The following CPD variants were observed in gnomAD, a reference collection of about 807,000 sequenced individuals.
CPD encodes the protein carboxypeptidase D, also known as metallocarboxypeptidase D.
Under a neutral mutation model 138.3 loss-of-function variants are expected in CPD, and 69 were observed. The observed-to-expected ratio is 0.50, with a 90% CI of 0.41 to 0.61. CPD has a LOEUF of 0.61. CPD is among the 20% of genes least tolerant of loss of function. The pLI is 0.00. For missense variants in CPD, 1,432 were observed against 1,733.3 expected, an observed-to-expected ratio of 0.83 and a Z score of 3.09; for synonymous variants, 651 against 642.1, an observed-to-expected ratio of 1.01 and a Z score of -0.21.
intron 13 of CPD, among the ~76,000 whole-genome samples, 161 bp from the exon 14 acceptor site, chr17:30,451,550 G>A (rs1449556334): frequency 1.3e-5 from 2 of 152,050 alleles, no homozygotes; most frequent in East Asian, 1.9e-4. Context: ...TAATATATTT[G>A]AAGCAAAAGG....
In CPD at chr17:30,465,132, C is replaced by T. The variant is rs1913601853; in HGVS notation, c.*318C>T. 2.3e-5 allele frequency: 6 copies of T among 262,246 alleles called. No homozygotes were observed. The highest frequency in any genetic ancestry group is 2.2e-4 in the South Asian group (4 of 18,164). 16.2% of individuals were successfully genotyped at this position (262,246 alleles called of 1,614,324 possible). A position where few individuals can be genotyped will look rare whatever the true frequency, so the allele number is the denominator to read the frequency against. ...CAACTAGAGGATGTTGTATTTTGCA[C>T]ATCAGATGTTTACTAGTGGCTTTAG... On this transcript the variant is annotated 3_prime_UTR_variant, in exon 21 of 21. Transcript: ENST00000225719.
intron 8 of CPD, 107 bp downstream of exon 8, chr17:30,431,988 G>C: frequency 1.4e-6 from 1 of 736,726 alleles, no homozygotes; most frequent in Non-Finnish European, 2.2e-6. Flanking sequence ...AGTTAATAAA[G>C]CATGACTTTT....
chr17:30,449,441 A>G, intron 12 of CPD, 112 bp from the exon 13 acceptor site: 2 of 944,458 alleles, frequency 2.1e-6, no homozygotes, highest in Non-Finnish European at 1.5e-6. Context: ...CTCTTTAAAG[A>G]CTTTTTAAAA....
chr17:30,382,527 C>T (rs1911075710), intron 1 of CPD, among the ~76,000 whole-genome samples: 1 of 152,186 alleles, frequency 6.6e-6, no homozygotes, highest in Admixed American at 6.5e-5. Flanking sequence ...GTCACTTTCT[C>T]TTGAAATCTT....
intron 2 of CPD, among the ~76,000 whole-genome samples, chr17:30,407,332 G>A (rs1363635816): frequency 1.3e-5 from 2 of 152,202 alleles, no homozygotes; most frequent in Non-Finnish European, 1.5e-5. Context: ...TATATACCCA[G>A]TAATAGGATC....
Position 30,400,413 on chromosome 17 carries a change from A to G in CPD, c.994+15177A>G, listed in dbSNP as rs190160021. Among the ~76,000 whole-genome samples the G allele has an allele frequency of 9.9e-5, 15 of 152,208 alleles. No individual in the cohort carries two copies. The East Asian group carries it at 2.3e-3, about 23-fold the overall frequency. ...GCTGCACTGAAAACCCTACTAGACA[A>G]TGTTATAATTTTTACTTTCAACTGT... On this transcript the variant is annotated intron_variant, in intron 2 of 20. Coordinates refer to ENST00000225719, the MANE Select transcript of CPD (RefSeq NM_001304.5).
chr17:30,424,107 A>G lies in CPD; in HGVS notation c.1849+410A>G, dbSNP rs544977942. Among the ~76,000 whole-genome samples, 25 of 152,302 alleles carry G rather than the reference A, an allele frequency of 1.6e-4. No individual in the cohort carries two copies. In the South Asian group the frequency reaches 5.2e-3, roughly 32 times the overall value. On this transcript the variant is annotated intron_variant, in intron 6 of 20. Coordinates refer to ENST00000225719, the MANE Select transcript of CPD (RefSeq NM_001304.5). ...CATGTGTTCAGGGTAGTCAGGGTGC[A>G]GCTTGGTTTTAAACATTTTAAGAAG...
chr17:30,414,654 A>G lies in CPD; in HGVS notation c.995-6187A>G, dbSNP rs181119607. Among the ~76,000 whole-genome samples, 50 of 152,258 alleles carry G rather than the reference A, an allele frequency of 3.3e-4. No homozygotes were observed. In the East Asian group the frequency reaches 3.9e-3, roughly 12 times the overall value. On this transcript the variant is annotated intron_variant, in intron 2 of 20. Coordinates refer to ENST00000225719, the MANE Select transcript of CPD (RefSeq NM_001304.5). ...CAGTGGCTTGTACAGGGCCACAGCAATGGACATGAGGATGAACATATTTTG... is the reference window on the plus strand; with the variant it reads ...CAGTGGCTTGTACAGGGCCACAGCAGTGGACATGAGGATGAACATATTTTG...
At chr17:30,396,301 G>A (rs1319221876) in intron 2 of CPD, among the ~76,000 whole-genome samples, 1 of 151,818 alleles carries the variant, frequency 6.6e-6, no homozygotes, top group African/African-American at 2.4e-5. Flanking sequence ...ACACATTGTA[G>A]TTTCCTTGTA....
intron 1 of CPD, 92 bp from the exon 2 acceptor site, chr17:30,384,897 A>C (rs907380736): frequency 7.9e-6 from 11 of 1,394,582 alleles, no homozygotes; most frequent in Admixed American, 2.1e-5. Context: ...GAGATATTGG[A>C]GTTTATTTCT....
intron 8 of CPD, among the ~76,000 whole-genome samples, chr17:30,434,776 T>C (rs1912656890): frequency 6.6e-6 from 1 of 151,908 alleles, no homozygotes; most frequent in South Asian, 2.1e-4. Context: ...CAGAAGATTC[T>C]CAGCTCCACC....
chr17:30,382,386 A>G (rs1911072467), intron 1 of CPD, among the ~76,000 whole-genome samples: 1 of 152,208 alleles, frequency 6.6e-6, no homozygotes, highest in Non-Finnish European at 1.5e-5. Context: ...TGTGATACTG[A>G]AGTCAAGTAT....
At chr17:30,456,845 TCAA>T in intron 17 of CPD, 1 of 44,200 alleles carries the variant, frequency 2.3e-5, no homozygotes, top group Non-Finnish European at 3.7e-5. Flanking sequence ...AGATTCCATC[TCAA>T]AAAAAAAAAA....
intron 2 of CPD, among the ~76,000 whole-genome samples, chr17:30,420,020 AC>A (rs1267937777): frequency 6.6e-6 from 1 of 152,140 alleles, no homozygotes; most frequent in Non-Finnish European, 1.5e-5. Context: ...GAGAAGTTAC[AC>A]CCGCTCCTTT....
intron 2 of CPD, among the ~76,000 whole-genome samples, chr17:30,413,939 G>C (rs1023173465): frequency 6.6e-6 from 1 of 152,150 alleles, no homozygotes; most frequent in Non-Finnish European, 1.5e-5. Context: ...AAGGTTATCC[G>C]GGGGAAGAGC....
At position 30,427,455 on chromosome 17, in the gene CPD, A is replaced by C; in HGVS notation, c.1914A>C (p.Pro638=). The change falls in exon 7 of 21, where the codon CCA becomes CCC. Residue 638 remains proline, a synonymous_variant. Transcript: ENST00000225719. ...ACTTTGACCTGAACCGAAATTTCCC[A>C]GACCAGTTTGTTCAGATCACAGATC... ...SNNFDLNRNF[P]DQFVQITDPT... The C allele has an allele frequency of 1.9e-6, 3 of 1,614,160 alleles. No individual in the cohort carries two copies. The South Asian group carries it at 3.3e-5, about 18-fold the overall frequency.
At chr17:30,407,193 A>G (rs1911823768) in intron 2 of CPD, among the ~76,000 whole-genome samples, 1 of 152,052 alleles carries the variant, frequency 6.6e-6, no homozygotes, top group Non-Finnish European at 1.5e-5. Context: ...ATATGTGCAC[A>G]TTTTCTTAAT....
At chr17:30,444,881 A>G (rs1249908647) in intron 11 of CPD, among the ~76,000 whole-genome samples, 2 of 151,980 alleles carry the variant, frequency 1.3e-5, no homozygotes, top group Admixed American at 1.3e-4. Flanking sequence ...TTGTTTTTTA[A>G]TGGTTTTCAG....
intron 7 of CPD, among the ~76,000 whole-genome samples, chr17:30,430,879 T>C (rs1383646146): frequency 1.3e-5 from 2 of 151,888 alleles, no homozygotes; most frequent in African/African-American, 4.8e-5. Context: ...TCTTGAACTC[T>C]TGGGCTCAAG....
Sources: allele counts gnomAD v4.1 joint callset (sites outside exome capture counted in the v4.1 genomes callset), GRCh38; gene constraint gnomAD v4.1.1; transcripts MANE v1.5; gene names NCBI Gene and HGNC (gene_info 2026-07-23, HGNC 2026-07-21).